The following CFAP299 variants were observed in gnomAD, a reference collection of about 807,000 sequenced individuals.
CFAP299 encodes cilia- and flagella-associated protein 299.
CFAP299 carries 21 observed loss-of-function variants against 27.0 expected under a neutral mutation model. That is an observed-to-expected ratio of 0.78 (90% CI 0.55 to 1.12). The LOEUF is 1.12. Ranked by LOEUF, CFAP299 falls within the 50% of genes most tolerant of loss-of-function variation. The pLI is 0.00. For synonymous variants in CFAP299, 104 were observed against 98.1 expected (o/e 1.06, Z -0.36); for missense variants, 310 against 276.6 (o/e 1.12, Z -0.86).
At chr4:80,689,450 A>G (rs933971717) in intron 3 of CFAP299, among the ~76,000 whole-genome samples, 3 of 152,164 alleles carry the variant, frequency 2.0e-5, no homozygotes, top group Non-Finnish European at 2.9e-5. Flanking sequence ...CTAAGCTTCA[A>G]AAGTGAAGGA....
intron 2 of CFAP299, among the ~76,000 whole-genome samples, chr4:80,457,963 A>T (rs915277855): frequency 1.3e-5 from 2 of 152,160 alleles, no homozygotes; most frequent in Non-Finnish European, 2.9e-5. Flanking sequence ...ATCCTGTGGC[A>T]TATTAATCCA....
At chr4:80,574,721 T>C (rs1560632692) in intron 2 of CFAP299, among the ~76,000 whole-genome samples, 1 of 152,164 alleles carries the variant, frequency 6.6e-6, no homozygotes, top group Admixed American at 6.6e-5. Flanking sequence ...AATGATGATA[T>C]AGTTTTGGTC....
At position 80,941,105 on chromosome 4, in the gene CFAP299, C is replaced by T. The variant is rs554081791; in HGVS notation, c.477-3705C>T. On this transcript the variant is annotated intron_variant, in intron 4 of 5. Transcript: ENST00000358105. The stretch of plus-strand genomic sequence containing the variant: ...CATCCTCCTCTATATTTTTAGTCAT[C>T]TCTGGATCACTTAAACCCTAATACA... 1.9e-4 allele frequency among the ~76,000 whole-genome samples: 29 copies of T among 152,240 alleles called. No individual in the cohort carries two copies. The East Asian group carries it at 5.6e-3, about 29-fold the overall frequency.
At chr4:80,382,107 G>A (rs1366427870) in intron 2 of CFAP299, among the ~76,000 whole-genome samples, 1 of 152,044 alleles carries the variant, frequency 6.6e-6, no homozygotes, top group Admixed American at 6.6e-5. Flanking sequence ...GCTAGCCATA[G>A]GCAAAAGATT....
chr4:80,339,309 T>C (rs1343907317), intron 1 of CFAP299, among the ~76,000 whole-genome samples: 4 of 152,242 alleles, frequency 2.6e-5, no homozygotes, highest in Non-Finnish European at 5.9e-5. Context: ...TCTTTGTAAA[T>C]AGTGCTTTTA....
rs868092641 is a variant in CFAP299 at position 80,822,234 on chromosome 4, C to T, written c.334-47759C>T. Among the ~76,000 whole-genome samples the T allele has an allele frequency of 2.7e-4, 41 of 152,266 alleles. No homozygotes were observed. In the Middle Eastern group the frequency reaches 0.01, roughly 38 times the overall value. On this transcript the variant is annotated intron_variant, in intron 3 of 5. Transcript: ENST00000358105. ...ATACTTTGTTGAAGGTCTGATCAAG[C>T]AGGTGCATTCAAGTAGCCTGAAAAG...
At chr4:80,902,580 A>AATATATATAT (rs372604502) in intron 4 of CFAP299, among the ~76,000 whole-genome samples, 73 of 82,472 alleles carry the variant, frequency 8.9e-4, no homozygotes, top group South Asian at 2.5e-3. Flanking sequence ...ATATATATGT[A>AATATATATAT]ATATATACAC....
chr4:80,497,490 GA>G (rs1267177460), intron 2 of CFAP299, among the ~76,000 whole-genome samples: 1 of 152,000 alleles, frequency 6.6e-6, no homozygotes, highest in African/African-American at 2.4e-5. Context: ...AACTTTTTAT[GA>G]AAGTGATATA....
chr4:80,646,408 A>G (rs1346416456), intron 3 of CFAP299, among the ~76,000 whole-genome samples: 1 of 152,196 alleles, frequency 6.6e-6, no homozygotes, highest in East Asian at 1.9e-4. Context: ...TGCTAGAGAC[A>G]TATTACCCTA....
At chr4:80,957,521 C>A (rs1738130358) in intron 5 of CFAP299, among the ~76,000 whole-genome samples, 1 of 151,904 alleles carries the variant, frequency 6.6e-6, no homozygotes, top group Admixed American at 6.6e-5. Flanking sequence ...ACAACTGATT[C>A]CAGAGAATTC....
chr4:80,358,934 T>C (rs1723408308), intron 1 of CFAP299, among the ~76,000 whole-genome samples: 1 of 152,136 alleles, frequency 6.6e-6, no homozygotes, highest in Admixed American at 6.5e-5. Flanking sequence ...TGTACTTCAG[T>C]GTGTTTTTGT....
intron 3 of CFAP299, among the ~76,000 whole-genome samples, chr4:80,711,238 G>T (rs1225771771): frequency 1.3e-5 from 2 of 152,196 alleles, no homozygotes; most frequent in Non-Finnish European, 2.9e-5. Context: ...CGGCTGTTCA[G>T]TTGTGTGTGG....
chr4:80,692,442 G>A (rs925240365), intron 3 of CFAP299, among the ~76,000 whole-genome samples: 1 of 152,170 alleles, frequency 6.6e-6, no homozygotes, highest in Non-Finnish European at 1.5e-5. Flanking sequence ...CAAGCAATGG[G>A]GAAAGGATTC....
chr4:80,782,229 G>A (rs921437011), intron 3 of CFAP299, among the ~76,000 whole-genome samples: 4 of 151,858 alleles, frequency 2.6e-5, no homozygotes, highest in Non-Finnish European at 5.9e-5. Flanking sequence ...CCTAAAAGAT[G>A]TAGCAGTGAA....
chr4:80,856,277 G>A (rs1180576038), intron 3 of CFAP299, among the ~76,000 whole-genome samples: 2 of 145,378 alleles, frequency 1.4e-5, no homozygotes, highest in African/African-American at 2.6e-5. Flanking sequence ...AAATTTGTTT[G>A]AGTTCAGTGT....
chr4:80,537,147 C>T (rs114043790), intron 2 of CFAP299, among the ~76,000 whole-genome samples: 210 of 152,188 alleles, frequency 1.4e-3, no homozygotes, highest in African/African-American at 4.7e-3. Context: ...AATGTAGTAT[C>T]GCTTCACAAC....
chr4:80,766,604 T>C lies in CFAP299; in HGVS notation c.334-103389T>C, dbSNP rs145206964. Among the ~76,000 whole-genome samples, 20 of 152,284 alleles carry C rather than the reference T, an allele frequency of 1.3e-4. No individual in the cohort carries two copies. The East Asian group carries it at 3.9e-3, about 29-fold the overall frequency. On this transcript the variant is annotated intron_variant, in intron 3 of 5. Transcript: ENST00000358105. ...TTTTACAGAGAATGACATTGAGTTT[T>C]GGAAAAACTTTATGGCTCTTCTTCA...
chr4:80,396,834 A>C (rs1310291909), intron 2 of CFAP299, among the ~76,000 whole-genome samples: 1 of 152,112 alleles, frequency 6.6e-6, no homozygotes, highest in Non-Finnish European at 1.5e-5. Context: ...ATTGGTCTAA[A>C]ATTCTCTTTT....
At chr4:80,828,487 C>A (rs1730114265) in intron 3 of CFAP299, among the ~76,000 whole-genome samples, 1 of 152,136 alleles carries the variant, frequency 6.6e-6, no homozygotes, top group East Asian at 1.9e-4. Context: ...ATCCCCAATG[C>A]TGGAGGCAGG....
Sources: gnomAD v4.1 joint callset for allele counts (sites outside exome capture counted in the v4.1 genomes callset) on GRCh38, gnomAD v4.1.1 for gene constraint, MANE v1.5 for transcripts, NCBI Gene and HGNC (gene_info 2026-07-23, HGNC 2026-07-21) for gene names.